The following NRDE2 variants were observed in gnomAD, a reference collection of about 807,000 sequenced individuals.
The protein encoded by NRDE2 is nuclear exosome regulator NRDE2.
In NRDE2, 76 loss-of-function variants were observed where a neutral mutation model predicts 124.2. The ratio of observed to expected loss-of-function variants is 0.61; its 90% CI spans 0.51 to 0.74. The LOEUF is 0.74. Among genes scored for constraint, NRDE2 ranks in the 30% least tolerant of loss-of-function variants. The pLI, the probability that NRDE2 is intolerant of heterozygous loss-of-function variation, is 0.00. For synonymous variants in NRDE2, 489 were observed against 528.1 expected (o/e 0.93, Z 1.01); for missense variants, 1,314 against 1,417.3 (o/e 0.93, Z 1.17).
intron 4 of NRDE2, among the ~76,000 whole-genome samples, chr14:90,309,194 GA>G (rs1031631264): frequency 5.5e-4 from 83 of 152,064 alleles, no homozygotes; most frequent in African/African-American, 1.9e-3. Flanking sequence ...ATAAAAGCTG[GA>G]GAGAGGGAAG....
At position 90,268,354 on chromosome 14, in the gene NRDE2, T is replaced by G; in HGVS notation, c.*9982A>C. 2 of 1,613,898 alleles carry G rather than the reference T, an allele frequency of 1.2e-6. No homozygotes were observed. Among genetic ancestry groups the G allele is most frequent in the Non-Finnish European group, 1.7e-6 (2 of 1,179,832 alleles). On this transcript the variant is annotated 3_prime_UTR_variant, in exon 14 of 14. Coordinates refer to ENST00000354366, the MANE Select transcript of NRDE2 (RefSeq NM_017970.4). ...TCGTACGGGAATTGTTCCGAGTTGCTGAAGAACATGCACCGTCCATCGTGT... is the reference window on the plus strand; with the variant it reads ...TCGTACGGGAATTGTTCCGAGTTGCGGAAGAACATGCACCGTCCATCGTGT...
At chr14:90,302,654 A>C in intron 6 of NRDE2, 66 bp downstream of exon 6, 1 of 1,427,758 alleles carries the variant, frequency 7.0e-7, no homozygotes, top group Non-Finnish European at 9.4e-7. Context: ...ATAGATCTTC[A>C]TTTTCAAGTA....
chr14:90,317,116 A>T (rs2139706925), intron 2 of NRDE2, among the ~76,000 whole-genome samples: 1 of 152,330 alleles, frequency 6.6e-6, no homozygotes, highest in East Asian at 1.9e-4. Context: ...TTTTTAAGAC[A>T]TTATTAAAGG....
At chr14:90,308,496 C>T (rs1884700450) in intron 4 of NRDE2, among the ~76,000 whole-genome samples, 1 of 151,994 alleles carries the variant, frequency 6.6e-6, no homozygotes, top group South Asian at 2.1e-4. Flanking sequence ...GACAGTCCAT[C>T]CAAGCTTAAA....
rs1891630917 is a variant in NRDE2, at chr14:90,270,413, T to C, written c.*7923A>G. On this transcript the variant is annotated 3_prime_UTR_variant, in exon 14 of 14. Coordinates refer to ENST00000354366, the MANE Select transcript of NRDE2 (RefSeq NM_017970.4). ...TGTGGCCGTCAATCAGGAAAGAGTC[T>C]ATATGTGCTCTTGGGATGGTGGTTG... 3.9e-6 allele frequency: 6 copies of C among 1,544,290 alleles called. No homozygotes were observed. Among genetic ancestry groups the C allele is most frequent in the Non-Finnish European group, 5.2e-6 (6 of 1,143,396 alleles).
At chr14:90,311,420 C>A (rs921095185) in intron 4 of NRDE2, among the ~76,000 whole-genome samples, 9 of 152,110 alleles carry the variant, frequency 5.9e-5, no homozygotes, top group Non-Finnish European at 8.8e-5. Flanking sequence ...GTAATTGAAT[C>A]ATGGGGGCAG....
intron 1 of NRDE2, among the ~76,000 whole-genome samples, chr14:90,323,112 G>C (rs1885300240): frequency 6.6e-6 from 1 of 152,174 alleles, no homozygotes; most frequent in South Asian, 2.1e-4. Flanking sequence ...ACATCAGGCA[G>C]AAAAACCACT....
intron 4 of NRDE2, among the ~76,000 whole-genome samples, chr14:90,306,029 T>C (rs1351483870): frequency 6.6e-6 from 1 of 152,198 alleles, no homozygotes; most frequent in Non-Finnish European, 1.5e-5. Context: ...GGCTGATGGA[T>C]GGACACATAT....
intron 2 of NRDE2, chr14:90,317,742 T>C (rs551978785): frequency 9.0e-6 from 3 of 331,656 alleles, no homozygotes; most frequent in African/African-American, 2.1e-5. Flanking sequence ...ATGAGGCTAG[T>C]AAAGTTACTC....
At chr14:90,310,521 CTTTTT>C (rs35448297) in intron 4 of NRDE2, among the ~76,000 whole-genome samples, 3 of 136,192 alleles carry the variant, frequency 2.2e-5, no homozygotes, top group Non-Finnish European at 3.2e-5. Flanking sequence ...GTTGACTGCC[CTTTTT>C]TTTTTTTTTT....
chr14:90,279,010 C>A, intron 13 of NRDE2, 52 bp downstream of exon 13: 3 of 1,298,216 alleles, frequency 2.3e-6, no homozygotes, highest in Non-Finnish European at 3.4e-6. Flanking sequence ...TGGACGGAGA[C>A]CTGGCGGGAA....
chr14:90,326,133 G>T (rs1885422627), intron 1 of NRDE2, among the ~76,000 whole-genome samples: 1 of 152,140 alleles, frequency 6.6e-6, no homozygotes, highest in Non-Finnish European at 1.5e-5. Context: ...AAGAAATGAG[G>T]AAGATCTCTA....
intron 7 of NRDE2, among the ~76,000 whole-genome samples, chr14:90,300,932 A>ACAGGCAGG (rs1177031981): frequency 5.7e-4 from 72 of 125,414 alleles, no homozygotes; most frequent in African/African-American, 2.2e-3. Flanking sequence ...AAGGAGGAAC[A>ACAGGCAGG]CAGGCAGGCA....
intron 1 of NRDE2, among the ~76,000 whole-genome samples, chr14:90,325,107 G>C (rs1204826415): frequency 6.6e-6 from 1 of 152,130 alleles, no homozygotes; most frequent in Non-Finnish European, 1.5e-5. Context: ...GAAGTGGGGA[G>C]TCAAGGTACG....
At chr14:90,311,187 T>G (rs999289598) in intron 4 of NRDE2, among the ~76,000 whole-genome samples, 1 of 152,252 alleles carries the variant, frequency 6.6e-6, no homozygotes, top group Admixed American at 6.5e-5. Flanking sequence ...CTTGGCTTTA[T>G]ATTCTAAGAT....
In NRDE2 at chr14:90,274,839, C is replaced by CACACACACACACA. The variant is rs1566678175; in HGVS notation, c.*3496_*3497insTGTGTGTGTGTGT. The CACACACACACACA allele has an allele frequency of 1.6e-5, 2 of 121,498 alleles. No individual in the cohort carries two copies. The highest frequency in any genetic ancestry group is 3.0e-5 in the African/African-American group (1 of 33,340). The allele number at this position is 121,498 out of a possible 1,614,324, so 7.5% of individuals were successfully genotyped here. A position where few individuals can be genotyped will look rare whatever the true frequency, so the allele number is the denominator to read the frequency against. On this transcript the variant is annotated 3_prime_UTR_variant, in exon 14 of 14. Transcript: ENST00000354366. ...ACACACACACACACACACACACACA[C>CACACACACACACA]CCCAATACATATGAATTGATCTGAA...
In NRDE2 at chr14:90,285,638, AT is replaced by A. The variant is rs962643509; in HGVS notation, c.3297+715del. Among the ~76,000 whole-genome samples the A allele has an allele frequency of 1.5e-3, 225 of 148,594 alleles. 2 individuals are homozygous for A. Among genetic ancestry groups the A allele is most frequent in the African/African-American group, 4.7e-3 (189 of 40,614 alleles). ...TTTTAAAAATTACATTCTAGATTAC[AT>A]TTTTTTTTTAAGAGACAAGGTCTCA... On this transcript the variant is annotated intron_variant, in intron 12 of 13. Transcript: ENST00000354366.
chr14:90,291,962 T>A lies in NRDE2; in HGVS notation c.1842+735A>T, dbSNP rs532191530. Among the ~76,000 whole-genome samples, 5 of 152,356 alleles carry A rather than the reference T, an allele frequency of 3.3e-5. No homozygotes were observed. The East Asian group carries it at 5.8e-4, about 18-fold the overall frequency. ...CCTTGCCTTCAGGGCGCCTCGTTTG[T>A]AGAAAAGGTCACAGAGCTCCAAGAC... On this transcript the variant is annotated intron_variant, in intron 9 of 13. Coordinates refer to ENST00000354366, the MANE Select transcript of NRDE2 (RefSeq NM_017970.4).
At chr14:90,303,584 T>C (rs1305886568) in intron 5 of NRDE2, among the ~76,000 whole-genome samples, 1 of 152,224 alleles carries the variant, frequency 6.6e-6, no homozygotes, top group Non-Finnish European at 1.5e-5. Flanking sequence ...GTTCTGTTTG[T>C]ACTTCAGGAA....
Sources: allele counts gnomAD v4.1 joint callset (sites outside exome capture counted in the v4.1 genomes callset), GRCh38; gene constraint gnomAD v4.1.1; transcripts MANE v1.5; gene names NCBI Gene and HGNC (gene_info 2026-07-23, HGNC 2026-07-21).